MOXD1: variants seen among roughly 807,000 people sequenced by gnomAD.
The protein encoded by MOXD1 is DBH-like monooxygenase protein 1.
Under a neutral mutation model 66.6 loss-of-function variants are expected in MOXD1, and 62 were observed. The ratio of observed to expected loss-of-function variants is 0.93; its 90% CI spans 0.76 to 1.15. The LOEUF (loss-of-function observed/expected upper bound fraction) is 1.15, where lower values mean the gene tolerates loss of function less well. Ranked by LOEUF, MOXD1 falls within the 50% of genes most tolerant of loss-of-function variation. The probability of loss-of-function intolerance (pLI) is 0.00; values close to 1 mark genes in which losing one functional copy is unlikely to be tolerated. For missense variants in MOXD1, 847 were observed against 754.6 expected (o/e 1.12, Z -1.44); for synonymous variants, 303 against 281.9 (o/e 1.07, Z -0.75).
Position 132,315,789 on chromosome 6 carries a change from T to G in MOXD1, c.1366-12A>C, listed in dbSNP as rs752594287. ...GTGCTTAGTCCTCCCTGAAAACAGATAGTTTATTTAGCAAAGTATGTGTTC... is the reference window on the plus strand; with the variant it reads ...GTGCTTAGTCCTCCCTGAAAACAGAGAGTTTATTTAGCAAAGTATGTGTTC... On this transcript the variant is annotated splice_polypyrimidine_tract_variant and intron_variant, in intron 9 of 11. Transcript: ENST00000367963. 3 of 1,612,640 alleles carry G rather than the reference T, an allele frequency of 1.9e-6. No individual in the cohort carries two copies. Among genetic ancestry groups the G allele is most frequent in the East Asian group, 2.2e-5 (1 of 44,786 alleles).
chr6:132,341,142 G>A (rs1014915307), intron 4 of MOXD1, among the ~76,000 whole-genome samples: 1 of 152,202 alleles, frequency 6.6e-6, no homozygotes, highest in Non-Finnish European at 1.5e-5. Context: ...AATCATCAAT[G>A]TGATGGTATT....
chr6:132,378,617 T>C (rs1006778462), intron 1 of MOXD1, among the ~76,000 whole-genome samples: 1 of 152,124 alleles, frequency 6.6e-6, no homozygotes, highest in Non-Finnish European at 1.5e-5. Context: ...GTTAATAATA[T>C]TATGCTTACC....
intron 4 of MOXD1, among the ~76,000 whole-genome samples, chr6:132,359,975 T>C (rs1250276213): frequency 1.3e-5 from 2 of 152,220 alleles, no homozygotes; most frequent in Non-Finnish European, 2.9e-5. Flanking sequence ...AACAAGTAAC[T>C]GCAGGGATTC....
chr6:132,332,923 G>C (rs58272798), intron 4 of MOXD1, among the ~76,000 whole-genome samples: 6,455 of 152,208 alleles, frequency 0.042, 253 homozygotes, highest in African/African-American at 0.096. Context: ...TTGGCTGAAT[G>C]CTGCATTAAC....
intron 4 of MOXD1, among the ~76,000 whole-genome samples, chr6:132,361,409 C>T (rs1466515951): frequency 6.6e-6 from 1 of 151,644 alleles, no homozygotes; most frequent in African/African-American, 2.4e-5. Flanking sequence ...ATGCAACTAA[C>T]ATAGTATATT....
At chr6:132,384,852 T>G (rs1477655569) in intron 1 of MOXD1, among the ~76,000 whole-genome samples, 1 of 152,230 alleles carries the variant, frequency 6.6e-6, no homozygotes, top group Non-Finnish European at 1.5e-5. Context: ...TAGGGAGCTA[T>G]AAGCAGCAAG....
intron 1 of MOXD1, among the ~76,000 whole-genome samples, chr6:132,378,199 T>A (rs887983348): frequency 6.6e-6 from 1 of 152,134 alleles, no homozygotes; most frequent in Non-Finnish European, 1.5e-5. Flanking sequence ...GATCTTCAGA[T>A]TTGACTATAA....
chr6:132,307,828 A>G (rs1046582055), intron 10 of MOXD1, among the ~76,000 whole-genome samples: 7 of 152,182 alleles, frequency 4.6e-5, no homozygotes, highest in African/African-American at 1.7e-4. Flanking sequence ...ATGAGAACAA[A>G]GAGACAACGT....
chr6:132,384,840 T>A (rs373161773), intron 1 of MOXD1, among the ~76,000 whole-genome samples: 1 of 152,134 alleles, frequency 6.6e-6, no homozygotes, highest in Non-Finnish European at 1.5e-5. Context: ...TACATGCCAT[T>A]GTAGGGAGCT....
intron 1 of MOXD1, among the ~76,000 whole-genome samples, chr6:132,376,756 G>A (rs1776388032): frequency 1.6e-5 from 1 of 60,702 alleles, no homozygotes; most frequent in Non-Finnish European, 2.4e-5. Context: ...CTCGTGATCC[G>A]CCCGCCTCGG....
At chr6:132,363,690 G>C (rs1186967158) in intron 4 of MOXD1, among the ~76,000 whole-genome samples, 2 of 152,206 alleles carry the variant, frequency 1.3e-5, no homozygotes, top group East Asian at 3.9e-4. Context: ...TATGGAAAGT[G>C]GTGGTTATTC....
At chr6:132,298,681 T>A (rs1326876575) in intron 10 of MOXD1, among the ~76,000 whole-genome samples, 2 of 151,892 alleles carry the variant, frequency 1.3e-5, no homozygotes, top group African/African-American at 4.8e-5. Flanking sequence ...ACATCACTAA[T>A]AATCATCAGA....
chr6:132,329,735 G>GA (rs1368289730), intron 4 of MOXD1, among the ~76,000 whole-genome samples: 30 of 151,532 alleles, frequency 2.0e-4, no homozygotes, highest in Admixed American at 1.6e-3. Context: ...GATTTCCTAA[G>GA]AAAAAAAATC....
intron 1 of MOXD1, among the ~76,000 whole-genome samples, chr6:132,378,393 T>C (rs1197105231): frequency 1.3e-5 from 2 of 152,120 alleles, no homozygotes; most frequent in Admixed American, 6.6e-5. Flanking sequence ...TGATCACACA[T>C]CTCAGTTTAT....
chr6:132,396,026 A>G (rs577146542), intron 1 of MOXD1, among the ~76,000 whole-genome samples: 163 of 152,302 alleles, frequency 1.1e-3, no homozygotes, highest in Non-Finnish European at 1.8e-3. Context: ...TAAATTACAC[A>G]TTAGACTAAA....
intron 4 of MOXD1, among the ~76,000 whole-genome samples, chr6:132,349,482 CAT>C (rs201371716): frequency 0.16 from 2,606 of 16,274 alleles, 458 homozygotes; most frequent in Non-Finnish European, 0.24. Flanking sequence ...TATATATATA[CAT>C]ATATATATAT....
intron 4 of MOXD1, among the ~76,000 whole-genome samples, chr6:132,355,771 T>C (rs979414856): frequency 2.0e-5 from 3 of 152,212 alleles, no homozygotes; most frequent in African/African-American, 7.2e-5. Flanking sequence ...CAAGCTGACT[T>C]GTAAACTATA....
chr6:132,392,397 T>C (rs1190001110), intron 1 of MOXD1: 33 of 1,477,090 alleles, frequency 2.2e-5, no homozygotes, highest in Non-Finnish European at 3.0e-5. Context: ...TCAACAGGCA[T>C]ATTCAACAAC....
chr6:132,307,279 T>C (rs552776308), intron 10 of MOXD1, among the ~76,000 whole-genome samples: 9 of 152,264 alleles, frequency 5.9e-5, no homozygotes, highest in Admixed American at 3.3e-4. Flanking sequence ...AGAATGGCAT[T>C]ACGTAATGGT....
Sources: allele counts gnomAD v4.1 joint callset (sites outside exome capture counted in the v4.1 genomes callset), GRCh38; gene constraint gnomAD v4.1.1; transcripts MANE v1.5; gene names NCBI Gene and HGNC (gene_info 2026-07-23, HGNC 2026-07-21).